The following F11R variants were observed in gnomAD, a reference collection of about 807,000 sequenced individuals.
F11R encodes junctional adhesion molecule A.
Under a neutral mutation model 39.3 loss-of-function variants are expected in F11R, and 27 were observed. That is an observed-to-expected ratio of 0.69 (90% CI 0.51 to 0.95). F11R has a LOEUF of 0.95. Ranked by LOEUF, F11R falls within the 40% of genes least tolerant of loss-of-function variation. The probability of loss-of-function intolerance (pLI) is 0.00; values close to 1 mark genes in which losing one functional copy is unlikely to be tolerated. For missense variants in F11R, 335 were observed against 372.7 expected (o/e 0.90, Z 0.83); for synonymous variants, 131 against 144.9 (o/e 0.90, Z 0.69).
intron 1 of F11R, among the ~76,000 whole-genome samples, chr1:161,015,737 A>C (rs1264693503): frequency 6.6e-6 from 1 of 152,036 alleles, no homozygotes; most frequent in East Asian, 1.9e-4. Context: ...GAATATATGT[A>C]GTATGCCTCT....
intron 1 of F11R, chr1:161,002,433 T>C (rs1202231164): frequency 6.6e-6 from 1 of 151,966 alleles, no homozygotes; most frequent in Non-Finnish European, 1.5e-5. Flanking sequence ...TTAAATAATA[T>C]GGGGGAGGTG....
chr1:161,015,438 A>ACAC (rs1425257168), intron 1 of F11R, among the ~76,000 whole-genome samples: 1 of 148,488 alleles, frequency 6.7e-6, no homozygotes, highest in African/African-American at 2.5e-5. Context: ...ACACACACAC[A>ACAC]AAAATTAGCC....
Position 160,998,697 on chromosome 1 carries a change from AAGG to A in F11R, c.*171_*173del, listed in dbSNP as rs764034212. 1.6e-6 allele frequency: 1 copy of A among 640,414 alleles called. No homozygotes were observed. The highest frequency in any genetic ancestry group is 2.8e-6 in the Non-Finnish European group (1 of 357,662). 39.7% of individuals were successfully genotyped at this position (640,414 alleles called of 1,614,324 possible). A position where few individuals can be genotyped will look rare whatever the true frequency, so the allele number is the denominator to read the frequency against. On this transcript the variant is annotated 3_prime_UTR_variant, in exon 10 of 10. Coordinates refer to ENST00000368026, the MANE Select transcript of F11R (RefSeq NM_016946.6). ...TGGTAGGAAAGGGAGGGAGGGCATG[AAGG>A]AGGATGGGGCACATAGCTGACATTA... is the stretch of plus-strand genomic sequence containing the variant.
rs1203107133 is a variant in F11R, at chr1:160,996,466, A to G, written c.*2405T>C. 1 of 152,288 alleles carries G rather than the reference A, an allele frequency of 6.6e-6. No homozygotes were observed. Among genetic ancestry groups the G allele is most frequent in the Non-Finnish European group, 1.5e-5 (1 of 68,054 alleles). The allele number at this position is 152,288 out of a possible 1,614,324, so 9.4% of individuals were successfully genotyped here. On this transcript the variant is annotated 3_prime_UTR_variant, in exon 10 of 10. Coordinates refer to ENST00000368026, the MANE Select transcript of F11R (RefSeq NM_016946.6). Reference sequence around the variant, plus strand: ...CAACCATGACACAGAACTGAAACATACTTTAAAAATCTCATCCTTGGCTAG... The same window carrying G: ...CAACCATGACACAGAACTGAAACATGCTTTAAAAATCTCATCCTTGGCTAG...
At chr1:161,011,833 T>A (rs1243709128) in intron 1 of F11R, among the ~76,000 whole-genome samples, 1 of 152,208 alleles carries the variant, frequency 6.6e-6, no homozygotes, top group Non-Finnish European at 1.5e-5. Context: ...TATCTCTAGA[T>A]AATAGAATTA....
intron 1 of F11R, among the ~76,000 whole-genome samples, chr1:161,019,228 C>T (rs547304113): frequency 1.1e-4 from 17 of 151,904 alleles, no homozygotes; most frequent in Admixed American, 2.6e-4. Flanking sequence ...TTCTAAAATA[C>T]AGGCAGAAGT....
chr1:161,004,265 AAAG>A (rs1433754079), intron 1 of F11R, among the ~76,000 whole-genome samples: 1 of 152,102 alleles, frequency 6.6e-6, no homozygotes, highest in Non-Finnish European at 1.5e-5. Flanking sequence ...GGTTTTCAAA[AAAG>A]AAGGGTATAG....
chr1:161,005,300 C>A (rs1257340646), intron 1 of F11R, among the ~76,000 whole-genome samples: 1 of 151,616 alleles, frequency 6.6e-6, no homozygotes, highest in Non-Finnish European at 1.5e-5. Flanking sequence ...CTTCCCCTCC[C>A]TCCCCTACCT....
intron 1 of F11R, among the ~76,000 whole-genome samples, chr1:161,006,156 G>C (rs1227703438): frequency 6.6e-6 from 1 of 151,374 alleles, no homozygotes; most frequent in Admixed American, 6.6e-5. Flanking sequence ...AAGGGGGGGG[G>C]CACTTCTGTT....
chr1:160,999,923 T>C lies in F11R; in HGVS notation c.647A>G (p.Asn216Ser). The part of the protein sequence containing the change: ...DTGEYSCEAR[N>S]GYGTPMTSNA... ...TGAAGTCATGGGTGTCCCATACCCA[T>C]TCCGTGCCTCACAGCTGTATTCTCC... The change falls in exon 6 of 10, where the codon AAT becomes AGT. Residue 216 changes from asparagine to serine, a missense_variant. By Grantham distance (46) the Asn-to-Ser change is conservative (BLOSUM62 1). Coordinates refer to ENST00000368026, the MANE Select transcript of F11R (RefSeq NM_016946.6). 2 of 1,614,200 alleles carry C rather than the reference T, an allele frequency of 1.2e-6. No individual in the cohort carries two copies. The highest frequency in any genetic ancestry group is 1.7e-6 in the Non-Finnish European group (2 of 1,180,024).
chr1:161,000,626 C>G lies in F11R; in HGVS notation c.388+5G>C. Reference sequence around the variant, plus strand: ...AGGCCCACCCAGAAGACATGGGGCACGTACCAAGCACGATGAGCTTGACCT... The same window carrying G: ...AGGCCCACCCAGAAGACATGGGGCAGGTACCAAGCACGATGAGCTTGACCT... On this transcript the variant is annotated splice_donor_5th_base_variant and intron_variant, in intron 4 of 9. Transcript: ENST00000368026. 1 of 1,614,194 alleles carries G rather than the reference C, an allele frequency of 6.2e-7. No individual in the cohort carries two copies. The highest frequency in any genetic ancestry group is 8.5e-7 in the Non-Finnish European group (1 of 1,180,012).
At chr1:161,017,282 A>G (rs535130959) in intron 1 of F11R, among the ~76,000 whole-genome samples, 2 of 152,308 alleles carry the variant, frequency 1.3e-5, no homozygotes, top group South Asian at 4.1e-4. Flanking sequence ...GAGGATTAGT[A>G]TAAGAGGAAG....
intron 7 of F11R, 95 bp downstream of exon 7, chr1:160,999,543 CAT>C (rs989519013): frequency 4.0e-6 from 6 of 1,504,186 alleles, no homozygotes; most frequent in African/African-American, 1.4e-5. Flanking sequence ...CACCCACACA[CAT>C]GAGCACAGTA....
rs1346088703 is a variant in F11R at position 160,996,039 on chromosome 1, G to A, written c.*2832C>T. ...TGGGGTTATTTGCATTTAAACACAG[G>A]CCAATGAAAAAAGCTAAATTAAAAC... On this transcript the variant is annotated 3_prime_UTR_variant, in exon 10 of 10. Transcript: ENST00000368026. 2 of 152,086 alleles carry A rather than the reference G, an allele frequency of 1.3e-5. No individual in the cohort carries two copies. Among genetic ancestry groups the A allele is most frequent in the Non-Finnish European group, 2.9e-5 (2 of 68,002 alleles). 9.4% of individuals were successfully genotyped at this position (152,086 alleles called of 1,614,324 possible). A position where few individuals can be genotyped will look rare whatever the true frequency, so the allele number is the denominator to read the frequency against.
intron 1 of F11R, among the ~76,000 whole-genome samples, chr1:161,016,253 G>A (rs1427553581): frequency 1.3e-5 from 2 of 152,100 alleles, no homozygotes; most frequent in Non-Finnish European, 2.9e-5. Flanking sequence ...GTGGCGGGCA[G>A]ATCATGAGGT....
In F11R at chr1:160,997,763, A is replaced by C. The variant is rs1466625966; in HGVS notation, c.*1108T>G. ...TACAAACACATAGAAATACAATCTC[A>C]CCAAAGAGCTAAGAAGCCCTCCAAC... On this transcript the variant is annotated 3_prime_UTR_variant, in exon 10 of 10. Coordinates refer to ENST00000368026, the MANE Select transcript of F11R (RefSeq NM_016946.6). The C allele has an allele frequency of 6.5e-6, 1 of 152,878 alleles. No homozygotes were observed. Among genetic ancestry groups the C allele is most frequent in the Non-Finnish European group, 1.5e-5 (1 of 68,076 alleles). 9.5% of individuals were successfully genotyped at this position (152,878 alleles called of 1,614,324 possible). A position where few individuals can be genotyped will look rare whatever the true frequency, so the allele number is the denominator to read the frequency against.
rs911202773 is a variant in F11R, at chr1:160,996,150, A to T, written c.*2721T>A. 6.6e-6 allele frequency: 1 copy of T among 152,374 alleles called. No homozygotes were observed. Among genetic ancestry groups the T allele is most frequent in the Admixed American group, 6.5e-5 (1 of 15,286 alleles). The allele number at this position is 152,374 out of a possible 1,614,324, so 9.4% of individuals were successfully genotyped here. A position where few individuals can be genotyped will look rare whatever the true frequency, so the allele number is the denominator to read the frequency against. On this transcript the variant is annotated 3_prime_UTR_variant, in exon 10 of 10. Coordinates refer to ENST00000368026, the MANE Select transcript of F11R (RefSeq NM_016946.6). ...ATTTTGAATGTCCAATCACTCTAGG[A>T]GTCCCAATTCTCTTAAGGTAAGAAC...
rs1648149988 is a variant in F11R, at chr1:160,996,771, A to G, written c.*2100T>C. On this transcript the variant is annotated 3_prime_UTR_variant, in exon 10 of 10. Coordinates refer to ENST00000368026, the MANE Select transcript of F11R (RefSeq NM_016946.6). ...ACAGAGCGAGACTCCGTCTTTAAAA[A>G]AACAAAACAAAACAAAACAAAAAAC... is the stretch of plus-strand genomic sequence containing the variant. 1 of 152,290 alleles carries G rather than the reference A, an allele frequency of 6.6e-6. No homozygotes were observed. The highest frequency in any genetic ancestry group is 1.5e-5 in the Non-Finnish European group (1 of 68,104). The allele number at this position is 152,290 out of a possible 1,614,324, so 9.4% of individuals were successfully genotyped here.
intron 1 of F11R, among the ~76,000 whole-genome samples, chr1:161,017,003 A>T (rs1327943325): frequency 6.6e-6 from 1 of 152,188 alleles, no homozygotes. Flanking sequence ...TGCTGTGTCA[A>T]ACTCAGGGTT....
Sources: allele counts gnomAD v4.1 joint callset (sites outside exome capture counted in the v4.1 genomes callset), GRCh38; gene constraint gnomAD v4.1.1; transcripts MANE v1.5; gene names NCBI Gene and HGNC (gene_info 2026-07-23, HGNC 2026-07-21).